CA8: variants seen among roughly 807,000 people sequenced by gnomAD.
The protein encoded by CA8 is carbonic anhydrase 8 (inactive).
A neutral mutation model predicts 41.4 loss-of-function variants in CA8; 22 were observed. The observed-to-expected ratio is 0.53, with a 90% confidence interval of 0.38 to 0.76. CA8 has a LOEUF of 0.76. Ranked by LOEUF, CA8 falls within the 30% of genes least tolerant of loss-of-function variation. The pLI, the probability that CA8 is intolerant of heterozygous loss-of-function variation, is 0.00. For missense variants in CA8, 270 were observed against 352.8 expected (o/e 0.77, Z 1.88); for synonymous variants, 121 against 130.6 (o/e 0.93, Z 0.50).
Position 60,232,943 on chromosome 8 carries a change from G to A in CA8, c.418-564C>T, listed in dbSNP as rs764719789. Among the ~76,000 whole-genome samples, 7 of 152,132 alleles carry A rather than the reference G, an allele frequency of 4.6e-5. No homozygotes were observed. In the South Asian group the frequency reaches 6.2e-4, roughly 13 times the overall value. ...CTGATGTAAATCTCTAAAAGAAGGC[G>A]ATTTCCTGCACTGGCGATAAAATTT... On this transcript the variant is annotated intron_variant, in intron 3 of 8. Coordinates refer to ENST00000317995, the MANE Select transcript of CA8 (RefSeq NM_004056.6).
chr8:60,278,884 G>T (rs892338512), intron 2 of CA8, among the ~76,000 whole-genome samples: 5 of 152,138 alleles, frequency 3.3e-5, no homozygotes, highest in Admixed American at 6.5e-5. Flanking sequence ...TATCAAGTAC[G>T]TCCTAATATT....
intron 3 of CA8, among the ~76,000 whole-genome samples, chr8:60,256,353 C>A (rs1331678831): frequency 6.6e-6 from 1 of 152,150 alleles, no homozygotes; most frequent in Non-Finnish European, 1.5e-5. Flanking sequence ...GCCACTCTCC[C>A]TGACTAAGAA....
rs1299702073 is a variant in CA8 at position 60,279,766 on chromosome 8, G to C, written c.215C>G (p.Pro72Arg). 1 of 1,614,014 alleles carries C rather than the reference G, an allele frequency of 6.2e-7. No individual in the cohort carries two copies. The highest frequency in any genetic ancestry group is 1.3e-5 in the African/African-American group (1 of 74,910). The change falls in exon 2 of 9, where the codon CCA becomes CGA. Residue 72 changes from proline to arginine, a missense_variant. This residue lies in a region of CA8 where 123 missense variants were observed against 136.8 expected (regional missense o/e 0.90). Coordinates refer to ENST00000317995, the MANE Select transcript of CA8 (RefSeq NM_004056.6). ...ACAGTCTCGGCACACCACATAATTT[G>C]GGGAGAGGCGGACATCCAACAGCGA... ...DPSLLDVRLS[P>R]NYVVCRDCEV... is the part of the protein sequence containing the mutation.
chr8:60,268,288 T>G (rs1803963391), intron 2 of CA8, among the ~76,000 whole-genome samples: 2 of 152,134 alleles, frequency 1.3e-5, no homozygotes, highest in South Asian at 4.1e-4. Context: ...AACCCCTTTA[T>G]CACATACACT....
intron 7 of CA8, among the ~76,000 whole-genome samples, chr8:60,216,282 C>T (rs13251863): frequency 0.4 from 61,463 of 152,020 alleles, 12,693 homozygotes; most frequent in Admixed American, 0.46. Context: ...GACAGACTGA[C>T]TTATATTCCC....
intron 2 of CA8, among the ~76,000 whole-genome samples, chr8:60,275,049 C>G (rs1283858432): frequency 1.3e-5 from 2 of 152,206 alleles, no homozygotes; most frequent in African/African-American, 4.8e-5. Context: ...AGTCTCCTGT[C>G]TGTGCCAACA....
chr8:60,204,297 T>A (rs552221945), intron 8 of CA8, among the ~76,000 whole-genome samples: 81 of 152,212 alleles, frequency 5.3e-4, no homozygotes, highest in Non-Finnish European at 1.0e-3. Flanking sequence ...AGGTTTAAAA[T>A]CATGAAATCT....
Position 60,198,818 on chromosome 8 carries a change from G to A in CA8, c.*36-8833C>T, listed in dbSNP as rs139703853. Among the ~76,000 whole-genome samples the A allele has an allele frequency of 2.4e-3, 370 of 152,144 alleles. 3 individuals are homozygous for A. Among genetic ancestry groups the A allele is most frequent in the Admixed American group, 5.0e-3 (76 of 15,252 alleles). ...TTCCTATGGAAATATTTCAGGTACA[G>A]GAATGTTCCATACACAACTAATTTA... is the stretch of plus-strand genomic sequence containing the variant. On this transcript the variant is annotated intron_variant, in intron 8 of 8. Transcript: ENST00000317995.
intron 3 of CA8, among the ~76,000 whole-genome samples, chr8:60,243,166 C>T (rs1585895359): frequency 6.6e-6 from 1 of 152,282 alleles, no homozygotes; most frequent in Non-Finnish European, 1.5e-5. Flanking sequence ...TCAGCATCCC[C>T]ACATACACAT....
chr8:60,242,481 AAGAC>A (rs554230674), intron 3 of CA8, among the ~76,000 whole-genome samples: 65 of 152,336 alleles, frequency 4.3e-4, no homozygotes, highest in Middle Eastern at 3.4e-3. Context: ...AGGGTTGGAA[AAGAC>A]AGAGCGGGGT....
intron 5 of CA8, among the ~76,000 whole-genome samples, chr8:60,225,174 T>C (rs774988501): frequency 2.6e-5 from 4 of 152,150 alleles, no homozygotes; most frequent in Non-Finnish European, 4.4e-5. Flanking sequence ...AGGGAATCAT[T>C]TGTGCTCTTA....
At position 60,188,255 on chromosome 8, in the gene CA8, A is replaced by G. The variant is rs1264188823; in HGVS notation, c.*1766T>C. On this transcript the variant is annotated 3_prime_UTR_variant, in exon 9 of 9. Coordinates refer to ENST00000317995, the MANE Select transcript of CA8 (RefSeq NM_004056.6). ...GAAAGTCATTTAATTACTATTTGTT[A>G]TTGTATTTGTTTATTTTGTGTATTT... The G allele has an allele frequency of 6.6e-6, 1 of 152,198 alleles. No homozygotes were observed. The highest frequency in any genetic ancestry group is 2.4e-5 in the African/African-American group (1 of 41,452). 9.4% of individuals were successfully genotyped at this position (152,198 alleles called of 1,614,324 possible). A position where few individuals can be genotyped will look rare whatever the true frequency, so the allele number is the denominator to read the frequency against.
intron 8 of CA8, among the ~76,000 whole-genome samples, chr8:60,196,975 G>A (rs1563518848): frequency 6.6e-6 from 1 of 152,072 alleles, no homozygotes; most frequent in Non-Finnish European, 1.5e-5. Context: ...ATAATGTAAG[G>A]AGCCATTTTT....
intron 3 of CA8, among the ~76,000 whole-genome samples, chr8:60,262,072 G>T (rs1803751406): frequency 6.6e-6 from 1 of 152,006 alleles, no homozygotes; most frequent in African/African-American, 2.4e-5. Flanking sequence ...TCTCTTCCCT[G>T]GAATTATGAG....
chr8:60,264,421 CTT>C (rs1270031778), intron 3 of CA8, among the ~76,000 whole-genome samples: 3 of 152,234 alleles, frequency 2.0e-5, no homozygotes, highest in Non-Finnish European at 4.4e-5. Context: ...CTGCCCCTCA[CTT>C]TGTGACCCGC....
At position 60,261,870 on chromosome 8, in the gene CA8, C is replaced by G. The variant is rs191279020; in HGVS notation, c.417+4055G>C. Among the ~76,000 whole-genome samples, 726 of 152,240 alleles carry G rather than the reference C, an allele frequency of 4.8e-3. 8 individuals carry two copies. Among genetic ancestry groups the G allele is most frequent in the African/African-American group, 0.016 (669 of 41,522 alleles). On this transcript the variant is annotated intron_variant, in intron 3 of 8. Coordinates refer to ENST00000317995, the MANE Select transcript of CA8 (RefSeq NM_004056.6). Reference sequence around the variant, plus strand: ...GGGACTACAGGCGCCCGTCACCACACCCGGCTAATTTTTGCATTTTTAGTA... The same window carrying G: ...GGGACTACAGGCGCCCGTCACCACAGCCGGCTAATTTTTGCATTTTTAGTA...
intron 3 of CA8, among the ~76,000 whole-genome samples, chr8:60,245,667 C>CA (rs1465116700): frequency 2.6e-5 from 4 of 152,176 alleles, no homozygotes; most frequent in Admixed American, 1.3e-4. Flanking sequence ...ACCTGAAATA[C>CA]AGAGCCCAAG....
intron 3 of CA8, among the ~76,000 whole-genome samples, chr8:60,242,051 CT>C (rs963389848): frequency 1.3e-5 from 2 of 152,158 alleles, no homozygotes; most frequent in African/African-American, 4.8e-5. Flanking sequence ...TTAGTGTTCA[CT>C]GCTTCTGGCA....
intron 2 of CA8, among the ~76,000 whole-genome samples, chr8:60,277,243 A>T (rs1161818217): frequency 6.6e-6 from 1 of 152,190 alleles, no homozygotes; most frequent in African/African-American, 2.4e-5. Flanking sequence ...TAACCACAGG[A>T]GAAACAGCTA....
Sources: allele counts gnomAD v4.1 joint callset (sites outside exome capture counted in the v4.1 genomes callset), GRCh38; gene constraint gnomAD v4.1.1; regional missense constraint gnomAD v4.1.1; transcripts MANE v1.5; gene names NCBI Gene and HGNC (gene_info 2026-07-23, HGNC 2026-07-21).